The following CADM1 variants were observed in gnomAD, a reference collection of about 807,000 sequenced individuals.
The protein encoded by CADM1 is cell adhesion molecule 1, also known as TSLC-1.
In CADM1, 15 loss-of-function variants were observed where a neutral mutation model predicts 53.1. That is an observed-to-expected ratio of 0.28 (90% CI 0.19 to 0.44). The LOEUF (loss-of-function observed/expected upper bound fraction) is 0.44, where lower values mean the gene tolerates loss of function less well. Ranked by LOEUF, CADM1 falls within the 20% of genes least tolerant of loss-of-function variation. The pLI, the probability that CADM1 is intolerant of heterozygous loss-of-function variation, is 1.00. For synonymous variants in CADM1, 281 were observed against 243.0 expected, an observed-to-expected ratio of 1.16 and a Z score of -1.45; for missense variants, 434 against 611.3, an observed-to-expected ratio of 0.71 and a Z score of 3.06.
chr11:115,334,216 A>G (rs1945204265), intron 1 of CADM1, among the ~76,000 whole-genome samples: 1 of 152,306 alleles, frequency 6.6e-6, no homozygotes, highest in South Asian at 2.1e-4. Flanking sequence ...GTGATGTAGT[A>G]TTTAAGGGCA....
intron 1 of CADM1, among the ~76,000 whole-genome samples, chr11:115,307,517 A>ATAT (rs1555060904): frequency 0.11 from 16,392 of 144,082 alleles, 972 homozygotes; most frequent in South Asian, 0.18. Context: ...GGAAAAAAAA[A>ATAT]ATATATATAT....
At chr11:115,245,142 A>G (rs1056355926) in intron 1 of CADM1, among the ~76,000 whole-genome samples, 7 of 152,218 alleles carry the variant, frequency 4.6e-5, no homozygotes, top group African/African-American at 1.7e-4. Context: ...CAGGGAAGAC[A>G]GTTTGCCCAG....
intron 1 of CADM1, among the ~76,000 whole-genome samples, chr11:115,254,483 T>C (rs1158980278): frequency 6.6e-6 from 1 of 151,738 alleles, no homozygotes; most frequent in Admixed American, 6.6e-5. Flanking sequence ...GCCTTAGTAT[T>C]GGACCTAGAG....
chr11:115,377,696 C>A (rs781458379), intron 1 of CADM1: 11 of 152,094 alleles, frequency 7.2e-5, no homozygotes, highest in Non-Finnish European at 1.3e-4. Flanking sequence ...AGTATTCTCA[C>A]TTTATTTTTT....
chr11:115,402,679 T>C (rs1035993486), intron 1 of CADM1, among the ~76,000 whole-genome samples: 1 of 151,810 alleles, frequency 6.6e-6, no homozygotes, highest in Admixed American at 6.6e-5. Context: ...ATGCTCAACT[T>C]TATTCATAAT....
At chr11:115,356,771 G>A (rs1945882911) in intron 1 of CADM1, among the ~76,000 whole-genome samples, 1 of 152,076 alleles carries the variant, frequency 6.6e-6, no homozygotes, top group Admixed American at 6.6e-5. Flanking sequence ...TGTGTTTAAT[G>A]TACTACTATA....
At chr11:115,443,794 C>A (rs894451343) in intron 1 of CADM1, among the ~76,000 whole-genome samples, 1 of 152,216 alleles carries the variant, frequency 6.6e-6, no homozygotes, top group Non-Finnish European at 1.5e-5. Context: ...AAGGTATCCA[C>A]AGTACCAAGA....
rs187289497 is a variant in CADM1 at position 115,349,545 on chromosome 11, T to C, written c.125-109125A>G. Among the ~76,000 whole-genome samples, 97 of 152,296 alleles carry C rather than the reference T, an allele frequency of 6.4e-4. No individual in the cohort carries two copies. In the Middle Eastern group the frequency reaches 0.02, roughly 32 times the overall value. Reference sequence around the variant, plus strand: ...ACTGCCTCAGCTGACTAATGCACAATGCCTGTTCAAGCCCGTATTTCAAAT... The same window carrying C: ...ACTGCCTCAGCTGACTAATGCACAACGCCTGTTCAAGCCCGTATTTCAAAT... On this transcript the variant is annotated intron_variant, in intron 1 of 11. Coordinates refer to ENST00000331581, the MANE Select transcript of CADM1 (RefSeq NM_001301043.2).
At chr11:115,242,016 G>A (rs1348932432) in intron 1 of CADM1, among the ~76,000 whole-genome samples, 1 of 150,976 alleles carries the variant, frequency 6.6e-6, no homozygotes, top group Admixed American at 6.6e-5. Flanking sequence ...AAGTGTGAGA[G>A]GGGTGGCTAA....
chr11:115,499,666 T>C (rs544627631), intron 1 of CADM1, among the ~76,000 whole-genome samples: 90 of 152,374 alleles, frequency 5.9e-4, no homozygotes, highest in African/African-American at 2.1e-3. Context: ...CCAGGATCTG[T>C]CGTTAACCTA....
intron 7 of CADM1, among the ~76,000 whole-genome samples, chr11:115,212,189 T>C (rs982563155): frequency 3.3e-5 from 5 of 151,770 alleles, no homozygotes; most frequent in Non-Finnish European, 7.4e-5. Context: ...ATAAAATCAG[T>C]TGGGGCTCAG....
chr11:115,471,262 C>A (rs906910467), intron 1 of CADM1, among the ~76,000 whole-genome samples: 38 of 152,270 alleles, frequency 2.5e-4, no homozygotes, highest in African/African-American at 8.9e-4. Context: ...ACAGAACATA[C>A]ATACAGCAGT....
chr11:115,238,051 G>A (rs967785772), intron 3 of CADM1, among the ~76,000 whole-genome samples: 1 of 152,118 alleles, frequency 6.6e-6, no homozygotes, highest in Non-Finnish European at 1.5e-5. Flanking sequence ...TCAAGCCAAT[G>A]AAAAGGAGAT....
chr11:115,498,583 C>T (rs1402483075), intron 1 of CADM1, among the ~76,000 whole-genome samples: 1 of 152,224 alleles, frequency 6.6e-6, no homozygotes, highest in African/African-American at 2.4e-5. Flanking sequence ...TAAAACTCAT[C>T]TTATCCGATC....
Position 115,169,628 on chromosome 11 carries a change from TAGAG to T in CADM1, c.*6842_*6845del. 2.2e-6 allele frequency: 1 copy of T among 456,530 alleles called. No individual in the cohort carries two copies. The highest frequency in any genetic ancestry group is 4.4e-6 in the Non-Finnish European group (1 of 226,946). 28.3% of individuals were successfully genotyped at this position (456,530 alleles called of 1,614,324 possible). A position where few individuals can be genotyped will look rare whatever the true frequency, so the allele number is the denominator to read the frequency against. ...GAGAGGAGGTTAGAGAAAACAGGCC[TAGAG>T]AGAGGGAGAGAAAGAGAAAGAGAGA... On this transcript the variant is annotated 3_prime_UTR_variant, in exon 12 of 12. Coordinates refer to ENST00000331581, the MANE Select transcript of CADM1 (RefSeq NM_001301043.2).
chr11:115,455,784 C>T (rs900926041), intron 1 of CADM1, among the ~76,000 whole-genome samples: 5 of 152,196 alleles, frequency 3.3e-5, no homozygotes, highest in Admixed American at 3.3e-4. Context: ...AAGTACTTCA[C>T]AAATCGCTGG....
chr11:115,496,440 T>C (rs1367461329), intron 1 of CADM1, among the ~76,000 whole-genome samples: 1 of 152,112 alleles, frequency 6.6e-6, no homozygotes, highest in Non-Finnish European at 1.5e-5. Flanking sequence ...TCAGTTTCAC[T>C]GGAGAATCAT....
chr11:115,407,490 C>A (rs1041170414), intron 1 of CADM1, among the ~76,000 whole-genome samples: 1 of 152,090 alleles, frequency 6.6e-6, no homozygotes, highest in Non-Finnish European at 1.5e-5. Context: ...GCCAAAATGC[C>A]TAGATATGCA....
chr11:115,199,337 G>A (rs765026797), intron 8 of CADM1, among the ~76,000 whole-genome samples: 3 of 152,228 alleles, frequency 2.0e-5, no homozygotes, highest in African/African-American at 4.8e-5. Context: ...TGGAGTAGGA[G>A]AGAGTGCAGT....
Sources: gnomAD v4.1 joint callset for allele counts (sites outside exome capture counted in the v4.1 genomes callset) on GRCh38, gnomAD v4.1.1 for gene constraint, MANE v1.5 for transcripts, NCBI Gene and HGNC (gene_info 2026-07-23, HGNC 2026-07-21) for gene names.